Variants in RSPH6A observed in about 807,000 individuals in gnomAD.
The protein encoded by RSPH6A is radial spoke head protein 6 homolog A.
A neutral mutation model predicts 66.1 loss-of-function variants in RSPH6A; 49 were observed. The ratio of observed to expected loss-of-function variants is 0.74; its 90% CI spans 0.59 to 0.94. RSPH6A has a LOEUF of 0.94. Among genes scored for constraint, RSPH6A ranks in the 40% least tolerant of loss-of-function variants. RSPH6A has a pLI of 0.00. For synonymous variants in RSPH6A, 419 were observed against 402.4 expected, an observed-to-expected ratio of 1.04 and a Z score of -0.49; for missense variants, 977 against 948.3, an observed-to-expected ratio of 1.03 and a Z score of -0.40.
intron 2 of RSPH6A, among the ~76,000 whole-genome samples, chr19:45,806,359 G>A (rs1970542944): frequency 6.6e-6 from 1 of 152,052 alleles, no homozygotes; most frequent in Admixed American, 6.6e-5. Context: ...CTGAAGGCAA[G>A]CAGGCTGAAA....
chr19:45,814,684 G>A lies in RSPH6A; in HGVS notation c.493C>T (p.Pro165Ser), dbSNP rs900461380. The change falls in exon 1 of 6, where the codon CCT becomes TCT. Residue 165 changes from proline to serine, a missense_variant. Coordinates refer to ENST00000221538, the MANE Select transcript of RSPH6A (RefSeq NM_030785.4). ...AGGGCAGGGTCATCCCTTATGTAAG[G>A]CCCGTGCTGGGCACCTTCAGAGAAC... is the stretch of plus-strand genomic sequence containing the variant. ...DQFSEGAQHGPYIRDDPALQF... is the reference protein window; with the variant it reads ...DQFSEGAQHGSYIRDDPALQF... 3 of 1,612,328 alleles carry A rather than the reference G, an allele frequency of 1.9e-6. No homozygotes were observed. Among genetic ancestry groups the A allele is most frequent in the Non-Finnish European group, 2.5e-6 (3 of 1,179,056 alleles).
chr19:45,806,589 T>C (rs2146286401), intron 2 of RSPH6A, among the ~76,000 whole-genome samples: 1 of 136,792 alleles, frequency 7.3e-6, no homozygotes, highest in Non-Finnish European at 1.5e-5. Flanking sequence ...GAGAATGGCA[T>C]GAACCTGGGA....
At chr19:45,801,304 G>T (rs1184258291) in intron 4 of RSPH6A, among the ~76,000 whole-genome samples, 4 of 152,318 alleles carry the variant, frequency 2.6e-5, no homozygotes, top group Admixed American at 2.6e-4. Flanking sequence ...CCACTCCCGA[G>T]TTGGTCATCG....
chr19:45,814,562 G>A lies in RSPH6A; in HGVS notation c.615C>T (p.Tyr205=), dbSNP rs1266883392. The change falls in exon 1 of 6, where the codon TAC becomes TAT. Residue 205 remains tyrosine (Y), a synonymous_variant. Coordinates refer to ENST00000221538, the MANE Select transcript of RSPH6A (RefSeq NM_030785.4). The stretch of plus-strand genomic sequence containing the variant: ...CGCAATTGATGCTGGTCTGCAGCAG[G>A]TAGGCCTTGGCGTTCTGCACGGCCA... The part of the protein sequence containing the change: ...LELAVQNAKA[Y]LLQTSINCDL... 1 of 1,531,448 alleles carries A rather than the reference G, an allele frequency of 6.5e-7. No homozygotes were observed. Among genetic ancestry groups the A allele is most frequent in the Admixed American group, 2.1e-5 (1 of 47,892 alleles). 94.9% of individuals were successfully genotyped at this position (1,531,448 alleles called of 1,614,324 possible). A position where few individuals can be genotyped will look rare whatever the true frequency, so the allele number is the denominator to read the frequency against.
At chr19:45,800,302 A>G in intron 5 of RSPH6A, 144 bp downstream of exon 5, 2 of 661,902 alleles carry the variant, frequency 3.0e-6, no homozygotes, top group Non-Finnish European at 5.2e-6. Flanking sequence ...TGAAACTCCT[A>G]GGAGCTATGA....
chr19:45,800,585 G>A lies in RSPH6A; in HGVS notation c.1799-22C>T, dbSNP rs367881880. 25 of 1,598,662 alleles carry A rather than the reference G, an allele frequency of 1.6e-5. No homozygotes were observed. The East Asian group carries it at 3.6e-4, about 23-fold the overall frequency. On this transcript the variant is annotated intron_variant, in intron 4 of 5. Transcript: ENST00000221538. ...ATTTCTGTGGTGGAGAGGCAGCAGA[G>A]GGGGGCAGCAGGGTCAGGGAGGCCC...
Position 45,815,296 on chromosome 19 carries a change from G to C in RSPH6A, c.-120C>G. ...GAGAGAGGGGGCCGTTACCCGTGGA[G>C]GGCGCGGGGAGCGGGCCAGGGTGGG... On this transcript the variant is annotated 5_prime_UTR_variant, in exon 1 of 6. Transcript: ENST00000221538. 1.6e-6 allele frequency: 2 copies of C among 1,226,374 alleles called. No homozygotes were observed. Among genetic ancestry groups the C allele is most frequent in the Admixed American group, 2.8e-5 (1 of 35,508 alleles). The allele number at this position is 1,226,374 out of a possible 1,614,324, so 76.0% of individuals were successfully genotyped here. A position where few individuals can be genotyped will look rare whatever the true frequency, so the allele number is the denominator to read the frequency against.
At chr19:45,802,750 A>T (rs986417012) in intron 3 of RSPH6A, among the ~76,000 whole-genome samples, 5 of 146,142 alleles carry the variant, frequency 3.4e-5, no homozygotes, top group African/African-American at 1.3e-4. Context: ...CAAATGATCC[A>T]CCCGCCTTGG....
Position 45,810,661 on chromosome 19 carries a change from G to C in RSPH6A, c.830C>G (p.Ala277Gly), listed in dbSNP as rs770813972. Residue 277 changes from alanine to glycine, a missense_variant, in exon 2 of 6, where the codon GCG (alanine) becomes GGG (glycine). Coordinates refer to ENST00000221538, the MANE Select transcript of RSPH6A (RefSeq NM_030785.4). The part of the protein sequence containing the change: ...PTYKMAEKQK[A>G]LFTRSGGGTE... The stretch of plus-strand genomic sequence containing the variant: ...GCCGCCTCCACTCCGGGTGAACAGC[G>C]CCTTCTGTTTCTCCGCCATCTTGTA... The C allele has an allele frequency of 6.2e-7, 1 of 1,613,944 alleles. No individual in the cohort carries two copies. The highest frequency in any genetic ancestry group is 8.5e-7 in the Non-Finnish European group (1 of 1,180,000).
chr19:45,810,580 C>CT, intron 2 of RSPH6A, 23 bp downstream of exon 2: 4 of 1,609,528 alleles, frequency 2.5e-6, no homozygotes, highest in Non-Finnish European at 3.4e-6. Flanking sequence ...CTGATGCCCA[C>CT]CTCTCCTGAC....
At chr19:45,802,041 C>T (rs923430569) in intron 4 of RSPH6A, 79 bp downstream of exon 4, 45 of 1,314,578 alleles carry the variant, frequency 3.4e-5, no homozygotes, top group Non-Finnish European at 3.9e-5. Flanking sequence ...GGGAGATGGA[C>T]CCCAGCAGTC....
At chr19:45,799,292 C>CG (rs1219009962) in intron 5 of RSPH6A, among the ~76,000 whole-genome samples, 2 of 152,138 alleles carry the variant, frequency 1.3e-5, no homozygotes, top group African/African-American at 4.8e-5. Context: ...CAGGTGCCTG[C>CG]GGGGGAAGGC....
At position 45,814,550 on chromosome 19, in the gene RSPH6A, G is replaced by C; in HGVS notation, c.627C>G (p.Thr209=). ...VQNAKAYLLQ[T]SINCDLSLYE... is the part of the protein sequence containing the mutation. ...ACAGGCTGAGGTCGCAATTGATGCT[G>C]GTCTGCAGCAGGTAGGCCTTGGCGT... Residue 209 remains threonine, a synonymous_variant, in exon 1 of 6, where the codon ACC becomes ACG. Coordinates refer to ENST00000221538, the MANE Select transcript of RSPH6A (RefSeq NM_030785.4). 6.6e-7 allele frequency: 1 copy of C among 1,520,356 alleles called. No individual in the cohort carries two copies. Among genetic ancestry groups the C allele is most frequent in the Non-Finnish European group, 8.8e-7 (1 of 1,133,824 alleles). The allele number at this position is 1,520,356 out of a possible 1,614,324, so 94.2% of individuals were successfully genotyped here.
At chr19:45,799,473 T>TAA (rs1185563257) in intron 5 of RSPH6A, among the ~76,000 whole-genome samples, 1 of 152,110 alleles carries the variant, frequency 6.6e-6, no homozygotes, top group Non-Finnish European at 1.5e-5. Flanking sequence ...GCAATCCTTC[T>TAA]GCCTCAGCCC....
intron 4 of RSPH6A, among the ~76,000 whole-genome samples, chr19:45,800,801 T>TTTTTTTTCGCTCTC (rs1970464864): frequency 1.4e-5 from 1 of 69,116 alleles, no homozygotes; most frequent in Non-Finnish European, 3.5e-5. Context: ...CGCTCTCTTT[T>TTTTTTTTCGCTCTC]TTTTTTTTTT....
At position 45,814,577 on chromosome 19, in the gene RSPH6A, C is replaced by A; in HGVS notation, c.600G>T (p.Gln200His). ...PEPEPLELAVQNAKAYLLQTS... is the reference protein window; with the variant it reads ...PEPEPLELAVHNAKAYLLQTS... ...TCTGCAGCAGGTAGGCCTTGGCGTT[C>A]TGCACGGCCAGCTCCAGAGGCTCGG... Residue 200 changes from glutamine to histidine, a missense_variant, in exon 1 of 6, where the codon CAG (glutamine) becomes CAT (histidine). Transcript: ENST00000221538. The A allele has an allele frequency of 6.5e-7, 1 of 1,543,104 alleles. No individual in the cohort carries two copies. Among genetic ancestry groups the A allele is most frequent in the South Asian group, 1.3e-5 (1 of 78,816 alleles).
At chr19:45,800,797 CTTT>C (rs58407168) in intron 4 of RSPH6A, among the ~76,000 whole-genome samples, 43 of 138,306 alleles carry the variant, frequency 3.1e-4, no homozygotes, top group Non-Finnish European at 5.6e-4. Context: ...CTCTCGCTCT[CTTT>C]TTTTTTTTTT....
At chr19:45,806,168 T>G (rs892077675) in intron 2 of RSPH6A, among the ~76,000 whole-genome samples, 1 of 151,690 alleles carries the variant, frequency 6.6e-6, no homozygotes, top group Admixed American at 6.6e-5. Flanking sequence ...AACGGAGGAG[T>G]CAGTGATGTT....
chr19:45,800,035 G>A (rs1202909887), intron 5 of RSPH6A, among the ~76,000 whole-genome samples: 3 of 152,128 alleles, frequency 2.0e-5, no homozygotes, highest in African/African-American at 7.2e-5. Flanking sequence ...CTGGGTGACA[G>A]AGCGAGACTC....
Sources: gnomAD v4.1 joint callset for allele counts (sites outside exome capture counted in the v4.1 genomes callset) on GRCh38, gnomAD v4.1.1 for gene constraint, MANE v1.5 for transcripts, NCBI Gene and HGNC (gene_info 2026-07-23, HGNC 2026-07-21) for gene names.